The following SNTB1 variants were observed in gnomAD, a reference collection of about 807,000 sequenced individuals.
SNTB1 encodes beta-1-syntrophin.
A neutral mutation model predicts 48.9 loss-of-function variants in SNTB1; 36 were observed. That is an observed-to-expected ratio of 0.74 (90% CI 0.56 to 0.97). The LOEUF (loss-of-function observed/expected upper bound fraction) is 0.97. SNTB1 is among the 50% of genes least tolerant of loss of function. The pLI, the probability that SNTB1 is intolerant of heterozygous loss-of-function variation, is 0.00. For synonymous variants in SNTB1, 299 were observed against 294.6 expected (o/e 1.01, Z -0.15); for missense variants, 786 against 703.4 (o/e 1.12, Z -1.33).
chr8:120,791,601 A>T (rs952648432), intron 1 of SNTB1, among the ~76,000 whole-genome samples: 3 of 152,060 alleles, frequency 2.0e-5, no homozygotes, highest in Non-Finnish European at 4.4e-5. Context: ...ATCAAGAAAA[A>T]ATCCAAATAA....
At chr8:120,566,592 A>G (rs1290127804) in intron 4 of SNTB1, among the ~76,000 whole-genome samples, 2 of 152,212 alleles carry the variant, frequency 1.3e-5, no homozygotes, top group African/African-American at 2.4e-5. Context: ...GACACACCAC[A>G]AACCCCTGAG....
At chr8:120,750,075 C>T (rs1440564075) in intron 1 of SNTB1, among the ~76,000 whole-genome samples, 2 of 152,094 alleles carry the variant, frequency 1.3e-5, no homozygotes, top group Admixed American at 6.6e-5. Context: ...AAGGCCAGCC[C>T]TTCCTGTCAG....
intron 1 of SNTB1, among the ~76,000 whole-genome samples, chr8:120,764,508 T>C (rs1227502170): frequency 6.6e-6 from 1 of 152,134 alleles, no homozygotes; most frequent in Non-Finnish European, 1.5e-5. Flanking sequence ...GAGCCAAGGG[T>C]GAAGAAAAAA....
At chr8:120,754,841 T>C (rs1471275553) in intron 1 of SNTB1, among the ~76,000 whole-genome samples, 1 of 152,126 alleles carries the variant, frequency 6.6e-6, no homozygotes, top group Non-Finnish European at 1.5e-5. Context: ...TTCCCTAATA[T>C]TAGGCTGGGA....
At chr8:120,789,531 T>C (rs1447811030) in intron 1 of SNTB1, among the ~76,000 whole-genome samples, 1 of 151,754 alleles carries the variant, frequency 6.6e-6, no homozygotes. Flanking sequence ...TAAACTCAAT[T>C]AGAAGGGAAA....
chr8:120,695,433 C>T (rs1039978495), intron 1 of SNTB1, among the ~76,000 whole-genome samples: 1 of 152,200 alleles, frequency 6.6e-6, no homozygotes, highest in Admixed American at 6.5e-5. Flanking sequence ...CAACTCATAG[C>T]TGCCCCACAA....
At chr8:120,669,614 G>A (rs1490358361) in intron 2 of SNTB1, among the ~76,000 whole-genome samples, 3 of 88,110 alleles carry the variant, frequency 3.4e-5, no homozygotes, top group East Asian at 2.5e-4. Context: ...CACCGCGCCC[G>A]GCTAATTTTT....
At chr8:120,807,929 T>G (rs1161308445) in intron 1 of SNTB1, among the ~76,000 whole-genome samples, 1 of 152,192 alleles carries the variant, frequency 6.6e-6, no homozygotes, top group Non-Finnish European at 1.5e-5. Flanking sequence ...TTTTTATTTT[T>G]TTTGAGATGG....
At chr8:120,582,291 A>T (rs1192180318) in intron 3 of SNTB1, among the ~76,000 whole-genome samples, 2 of 152,230 alleles carry the variant, frequency 1.3e-5, no homozygotes, top group Non-Finnish European at 2.9e-5. Context: ...CAGCAGGACT[A>T]AGAAGAAATG....
intron 3 of SNTB1, among the ~76,000 whole-genome samples, chr8:120,627,998 C>T (rs1365882620): frequency 6.6e-6 from 1 of 152,146 alleles, no homozygotes; most frequent in Non-Finnish European, 1.5e-5. Flanking sequence ...TACCAACTTC[C>T]TTTTCTCCAG....
At chr8:120,635,215 G>C (rs1307426008) in intron 2 of SNTB1, among the ~76,000 whole-genome samples, 1 of 152,122 alleles carries the variant, frequency 6.6e-6, no homozygotes, top group Non-Finnish European at 1.5e-5. Context: ...CAAAAAAATG[G>C]GTAATAAATC....
chr8:120,624,329 C>T (rs916480850), intron 3 of SNTB1, among the ~76,000 whole-genome samples: 5 of 152,302 alleles, frequency 3.3e-5, no homozygotes, highest in Admixed American at 1.3e-4. Flanking sequence ...TGGTGAGGAC[C>T]TTCTTGCTGT....
intron 2 of SNTB1, among the ~76,000 whole-genome samples, chr8:120,691,042 C>T (rs752190077): frequency 1.3e-4 from 20 of 151,906 alleles, no homozygotes; most frequent in South Asian, 2.1e-4. Context: ...GTGGACTTGA[C>T]GAGCACCAAT....
chr8:120,739,296 C>G (rs1401680051), intron 1 of SNTB1, among the ~76,000 whole-genome samples: 2 of 152,130 alleles, frequency 1.3e-5, no homozygotes, highest in Non-Finnish European at 2.9e-5. Flanking sequence ...GTTTCAAGGG[C>G]CCAGTAGGGT....
intron 2 of SNTB1, among the ~76,000 whole-genome samples, chr8:120,678,580 C>T (rs1817878623): frequency 6.6e-6 from 1 of 152,186 alleles, no homozygotes; most frequent in Non-Finnish European, 1.5e-5. Context: ...TTTATCAAAA[C>T]TCTTTTATTA....
intron 2 of SNTB1, chr8:120,637,606 C>T: frequency 8.5e-6 from 2 of 234,884 alleles, no homozygotes; most frequent in African/African-American, 2.3e-5. Flanking sequence ...CTGTAGTCTG[C>T]AGCTCCCAAG....
intron 1 of SNTB1, among the ~76,000 whole-genome samples, chr8:120,787,348 C>A (rs1407858687): frequency 6.6e-6 from 1 of 151,984 alleles, no homozygotes; most frequent in Non-Finnish European, 1.5e-5. Flanking sequence ...GAAGAGTATA[C>A]TAACTCTACA....
At chr8:120,678,116 C>T (rs777395134) in intron 2 of SNTB1, among the ~76,000 whole-genome samples, 4 of 152,000 alleles carry the variant, frequency 2.6e-5, no homozygotes, top group African/African-American at 7.3e-5. Flanking sequence ...TGAAAGTGTG[C>T]GCATAAAGGG....
At chr8:120,546,950 G>A (rs1278625322) in intron 5 of SNTB1, among the ~76,000 whole-genome samples, 2 of 152,212 alleles carry the variant, frequency 1.3e-5, no homozygotes, top group African/African-American at 2.4e-5. Context: ...TGGCATAACT[G>A]TGGGAAGTTC....
Sources: gnomAD v4.1 joint callset for allele counts (sites outside exome capture counted in the v4.1 genomes callset) on GRCh38, gnomAD v4.1.1 for gene constraint, MANE v1.5 for transcripts, NCBI Gene and HGNC (gene_info 2026-07-23, HGNC 2026-07-21) for gene names.